Variants in SLC8A1 observed in about 807,000 individuals in gnomAD.
SLC8A1 encodes the protein solute carrier family 8 member A1.
In SLC8A1, 18 loss-of-function variants were observed where a neutral mutation model predicts 68.3. The ratio of observed to expected loss-of-function variants is 0.26; its 90% CI spans 0.18 to 0.39. The LOEUF (loss-of-function observed/expected upper bound fraction) is 0.39, where lower values mean the gene tolerates loss of function less well. SLC8A1 is among the 10% of genes least tolerant of loss of function. The pLI is 1.00. For synonymous variants in SLC8A1, 475 were observed against 415.5 expected (o/e 1.14, Z -1.74); for missense variants, 985 against 1,156.7 (o/e 0.85, Z 2.15).
chr2:40,339,691 T>C (rs890884692), intron 2 of SLC8A1, among the ~76,000 whole-genome samples: 6 of 152,192 alleles, frequency 3.9e-5, no homozygotes, highest in African/African-American at 1.2e-4. Flanking sequence ...ATAGGAAAAT[T>C]TGATTAAGTT....
At chr2:40,210,895 G>C (rs1380399601) in intron 2 of SLC8A1, among the ~76,000 whole-genome samples, 1 of 152,124 alleles carries the variant, frequency 6.6e-6, no homozygotes, top group African/African-American at 2.4e-5. Context: ...ATGTATATAA[G>C]GTATCATTAA....
chr2:40,139,341 T>C (rs2041129961), intron 7 of SLC8A1, 60 bp downstream of exon 10: 2 of 1,572,900 alleles, frequency 1.3e-6, no homozygotes, highest in Non-Finnish European at 1.7e-6. Context: ...GGAAAGAAAG[T>C]GTCAAGAAGG....
chr2:40,458,362 C>A (rs1703147503), intron 1 of SLC8A1, among the ~76,000 whole-genome samples: 4 of 152,032 alleles, frequency 2.6e-5, no homozygotes, highest in Non-Finnish European at 5.9e-5. Context: ...ACTATGGGGC[C>A]CCCTTCTACT....
At chr2:40,139,805 G>A (rs1450208993) in intron 6 of SLC8A1, 129 bp from the exon 10 acceptor site, 36 of 899,066 alleles carry the variant, frequency 4.0e-5, no homozygotes, top group Non-Finnish European at 3.3e-5. Context: ...GGTGGGTGAA[G>A]TTTAGGGTTT....
intron 4 of SLC8A1, among the ~76,000 whole-genome samples, chr2:40,169,247 A>G (rs1026410000): frequency 1.2e-4 from 18 of 152,202 alleles, no homozygotes; most frequent in African/African-American, 3.6e-4. Flanking sequence ...CAATGTAGTC[A>G]CATTTTAAAA....
At chr2:40,248,107 C>A (rs1474834008) in intron 2 of SLC8A1, among the ~76,000 whole-genome samples, 1 of 152,048 alleles carries the variant, frequency 6.6e-6, no homozygotes, top group East Asian at 1.9e-4. Flanking sequence ...AAACTGCACT[C>A]CATGGAGTAA....
chr2:40,429,541 A>G, exon 2 of SLC8A1: 1 of 1,613,884 alleles, frequency 6.2e-7, no homozygotes, highest in South Asian at 1.1e-5. Flanking sequence ...CCAAGCGAAC[A>G]CAACACAGAT....
At chr2:40,412,773 T>C (rs1410937539) in intron 2 of SLC8A1, among the ~76,000 whole-genome samples, 3 of 152,200 alleles carry the variant, frequency 2.0e-5, no homozygotes, top group Non-Finnish European at 2.9e-5. Context: ...TAAGCTCAAC[T>C]AGGAAGACAC....
intron 4 of SLC8A1, among the ~76,000 whole-genome samples, chr2:40,174,500 G>A (rs962598213): frequency 2.0e-5 from 3 of 151,972 alleles, no homozygotes; most frequent in African/African-American, 7.2e-5. Flanking sequence ...GTCAAAATAT[G>A]AACAGTTACA....
intron 7 of SLC8A1, among the ~76,000 whole-genome samples, chr2:40,119,825 CT>C (rs2036373850): frequency 6.6e-6 from 1 of 152,144 alleles, no homozygotes; most frequent in Non-Finnish European, 1.5e-5. Flanking sequence ...CAGTTTTAGA[CT>C]TTTAGTCCTG....
intron 7 of SLC8A1, among the ~76,000 whole-genome samples, chr2:40,136,131 G>T (rs1326137391): frequency 6.6e-6 from 1 of 152,174 alleles, no homozygotes; most frequent in Non-Finnish European, 1.5e-5. Context: ...AACATTTAAA[G>T]GTGGGAAGAG....
intron 2 of SLC8A1, among the ~76,000 whole-genome samples, chr2:40,227,216 T>C (rs890669248): frequency 2.6e-5 from 4 of 151,968 alleles, no homozygotes; most frequent in South Asian, 2.1e-4. Context: ...TGAGTTAATA[T>C]AGTCTCCACA....
chr2:40,195,278 A>G (rs543233036), intron 2 of SLC8A1, among the ~76,000 whole-genome samples: 120 of 152,218 alleles, frequency 7.9e-4, no homozygotes, highest in African/African-American at 2.8e-3. Context: ...ATAGTAAAGT[A>G]TCTGGTAAAT....
intron 7 of SLC8A1, among the ~76,000 whole-genome samples, chr2:40,136,021 T>C (rs1288112190): frequency 1.3e-5 from 2 of 152,168 alleles, no homozygotes; most frequent in Admixed American, 1.3e-4. Flanking sequence ...TTAGCAGTCA[T>C]TGGCATATAG....
At chr2:40,492,209 T>C (rs1239405256) in intron 1 of SLC8A1, among the ~76,000 whole-genome samples, 1 of 152,104 alleles carries the variant, frequency 6.6e-6, no homozygotes, top group Non-Finnish European at 1.5e-5. Flanking sequence ...AACTATCTGA[T>C]CTTTGACAAA....
At chr2:40,423,811 A>AT (rs200977394) in intron 2 of SLC8A1, among the ~76,000 whole-genome samples, 103 of 152,110 alleles carry the variant, frequency 6.8e-4, no homozygotes, top group African/African-American at 2.4e-3. Flanking sequence ...ATCCTATCTT[A>AT]TTTTTATAAT....
At chr2:40,393,879 C>T (rs1405521797) in intron 2 of SLC8A1, among the ~76,000 whole-genome samples, 2 of 152,074 alleles carry the variant, frequency 1.3e-5, no homozygotes, top group African/African-American at 4.8e-5. Context: ...TATTTTTATG[C>T]CTATTACCCT....
intron 2 of SLC8A1, among the ~76,000 whole-genome samples, chr2:40,371,775 C>A (rs748234518): frequency 6.6e-6 from 1 of 152,100 alleles, no homozygotes. Flanking sequence ...TGATCATATC[C>A]TCTGGAAACC....
At chr2:40,343,081 C>T (rs562313965) in intron 2 of SLC8A1, among the ~76,000 whole-genome samples, 16 of 151,296 alleles carry the variant, frequency 1.1e-4, no homozygotes, top group Admixed American at 1.1e-3. Context: ...TTTTTTCTTT[C>T]TCGGGTGATA....
Sources: allele counts gnomAD v4.1 joint callset (sites outside exome capture counted in the v4.1 genomes callset), GRCh38; gene constraint gnomAD v4.1.1; transcripts MANE v1.5; gene names NCBI Gene and HGNC (gene_info 2026-07-23, HGNC 2026-07-21).